The following SUFU variants were observed in gnomAD, a reference collection of about 807,000 sequenced individuals.
The protein encoded by SUFU is SUFU negative regulator of hedgehog signaling.
SUFU carries 7 observed loss-of-function variants against 58.9 expected under a neutral mutation model. That is an observed-to-expected ratio of 0.12 (90% CI 0.07 to 0.22). The LOEUF is 0.22. SUFU is among the 10% of genes least tolerant of loss of function. The pLI is 1.00. For synonymous variants in SUFU, 232 were observed against 254.8 expected (o/e 0.91, Z 0.85); for missense variants, 451 against 641.3 (o/e 0.70, Z 3.20).
intron 2 of SUFU, among the ~76,000 whole-genome samples, chr10:102,549,318 G>A (rs1590018294): frequency 6.6e-6 from 1 of 152,250 alleles, no homozygotes; most frequent in African/African-American, 2.4e-5. Flanking sequence ...GGTGGAAGGA[G>A]AAGAGGGTGG....
rs1291941856 is a variant in SUFU, at chr10:102,504,176, C to T, written c.24C>T (p.Gly8=). The T allele has an allele frequency of 3.9e-6, 6 of 1,546,018 alleles. No individual in the cohort carries two copies. Among genetic ancestry groups the T allele is most frequent in the African/African-American group, 1.4e-5 (1 of 73,118 alleles). Residue 8 remains glycine (G), a synonymous_variant, in exon 1 of 12, where the codon GGC becomes GGT. Coordinates refer to ENST00000369902, the MANE Select transcript of SUFU (RefSeq NM_016169.4). ...CGATGGCGGAGCTGCGGCCTAGCGG[C>T]GCCCCCGGCCCCACCGCGCCCCCGG... MAELRPS[G]APGPTAPPAP...
chr10:102,509,616 T>C (rs2062375202), intron 2 of SUFU, among the ~76,000 whole-genome samples: 1 of 152,192 alleles, frequency 6.6e-6, no homozygotes, highest in Non-Finnish European at 1.5e-5. Context: ...CTGTGTCTAC[T>C]TCCTTTTATT....
At chr10:102,592,123 A>T (rs1173982630) in intron 3 of SUFU, among the ~76,000 whole-genome samples, 1 of 152,206 alleles carries the variant, frequency 6.6e-6, no homozygotes, top group Non-Finnish European at 1.5e-5. Context: ...TCTGAGTGCC[A>T]TTTCAGCAAC....
intron 2 of SUFU, among the ~76,000 whole-genome samples, chr10:102,544,144 G>A (rs889927471): frequency 9.9e-5 from 15 of 152,050 alleles, no homozygotes; most frequent in African/African-American, 3.1e-4. Flanking sequence ...TCAAGTTCTA[G>A]CTCTATCACT....
At chr10:102,578,933 C>T (rs1017866412) in intron 3 of SUFU, among the ~76,000 whole-genome samples, 1 of 151,738 alleles carries the variant, frequency 6.6e-6, no homozygotes, top group African/African-American at 2.4e-5. Context: ...AGGTGGCAGG[C>T]CCTCGTGCTG....
At chr10:102,516,460 C>A (rs2062471821) in intron 2 of SUFU, among the ~76,000 whole-genome samples, 1 of 152,172 alleles carries the variant, frequency 6.6e-6, no homozygotes, top group Admixed American at 6.5e-5. Flanking sequence ...TGGATTGTTT[C>A]TTCCTTCATG....
At chr10:102,627,132 A>G in intron 10 of SUFU, 43 bp from the exon 11 acceptor site, 1 of 1,605,330 alleles carries the variant, frequency 6.2e-7, no homozygotes, top group East Asian at 2.2e-5. Context: ...AAAAGATCAT[A>G]CATTTAAAAA....
intron 2 of SUFU, among the ~76,000 whole-genome samples, chr10:102,542,281 C>T (rs532761160): frequency 6.5e-4 from 98 of 150,740 alleles, no homozygotes; most frequent in African/African-American, 2.0e-3. Flanking sequence ...TACAGGTGCA[C>T]GCCACCACTC....
intron 3 of SUFU, 23 bp from the exon 4 acceptor site, chr10:102,592,559 G>C: frequency 1.2e-6 from 2 of 1,613,696 alleles, no homozygotes; most frequent in Non-Finnish European, 1.7e-6. Flanking sequence ...TGAACAATGA[G>C]GATCCTTGTA....
intron 2 of SUFU, among the ~76,000 whole-genome samples, chr10:102,524,329 CTT>C: frequency 8.7e-6 from 1 of 115,266 alleles, no homozygotes; most frequent in African/African-American, 3.5e-5. Flanking sequence ...CTTTTCTTTT[CTT>C]TTTTTTTTTT....
rs1590096987 is a variant in SUFU at position 102,632,159 on chromosome 10, G to A, written c.*2004G>A. 5 of 233,326 alleles carry A rather than the reference G, an allele frequency of 2.1e-5. No homozygotes were observed. The East Asian group carries it at 3.0e-4, about 14-fold the overall frequency. 14.5% of individuals were successfully genotyped at this position (233,326 alleles called of 1,614,324 possible). On this transcript the variant is annotated 3_prime_UTR_variant, in exon 12 of 12. Transcript: ENST00000369902. ...CATCTGCTGGGTGCCTCCATCGTTGGTTGGGTGGGGATGGGGCATTTTCTG... is the reference window on the plus strand; with the variant it reads ...CATCTGCTGGGTGCCTCCATCGTTGATTGGGTGGGGATGGGGCATTTTCTG...
chr10:102,544,072 C>T (rs769374873), intron 2 of SUFU, among the ~76,000 whole-genome samples: 2 of 152,130 alleles, frequency 1.3e-5, no homozygotes, highest in Non-Finnish European at 2.9e-5. Flanking sequence ...ATACTCCAGC[C>T]TGGGCAGCAG....
chr10:102,530,879 A>G (rs1373431662), intron 2 of SUFU, among the ~76,000 whole-genome samples: 1 of 152,120 alleles, frequency 6.6e-6, no homozygotes, highest in Admixed American at 6.6e-5. Context: ...AGCAGTGGTC[A>G]AATAGAGGAC....
chr10:102,571,748 A>T (rs557810995), intron 3 of SUFU, among the ~76,000 whole-genome samples: 1 of 152,344 alleles, frequency 6.6e-6, no homozygotes, highest in Admixed American at 6.5e-5. Context: ...GTGTGTCTCA[A>T]GTTTGGACAC....
intron 2 of SUFU, among the ~76,000 whole-genome samples, chr10:102,530,408 G>A (rs2062663940): frequency 1.3e-5 from 2 of 150,202 alleles, no homozygotes; most frequent in Non-Finnish European, 3.0e-5. Flanking sequence ...CCTTGGGCTG[G>A]CATTTAGTTT....
Position 102,580,185 on chromosome 10 carries a change from T to C in SUFU, c.455-12397T>C, listed in dbSNP as rs115011539. 1.2e-3 allele frequency among the ~76,000 whole-genome samples: 177 copies of C among 152,330 alleles called. 1 individual carries two copies. Among genetic ancestry groups the C allele is most frequent in the African/African-American group, 4.0e-3 (167 of 41,574 alleles). On this transcript the variant is annotated intron_variant, in intron 3 of 11. Coordinates refer to ENST00000369902, the MANE Select transcript of SUFU (RefSeq NM_016169.4). ...GGGATTATCCTTCCTTTGGAGCATC[T>C]GTCTGCTGTGCACTGTGTTGGGAGA...
At chr10:102,511,141 A>G (rs199955826) in intron 2 of SUFU, among the ~76,000 whole-genome samples, 145 of 63,384 alleles carry the variant, frequency 2.3e-3, no homozygotes, top group African/African-American at 3.7e-3. Flanking sequence ...AAAAAAAGTA[A>G]TAATAATAAT....
rs925304938 is a variant in SUFU at position 102,630,470 on chromosome 10, G to A, written c.*315G>A. Reference sequence around the variant, plus strand: ...AGGTTTGACTCTGGACCCTGGCTGTGCCCCTAGGTGGAGACAGCCCTCTTT... The same window carrying A: ...AGGTTTGACTCTGGACCCTGGCTGTACCCCTAGGTGGAGACAGCCCTCTTT... On this transcript the variant is annotated 3_prime_UTR_variant, in exon 12 of 12. Coordinates refer to ENST00000369902, the MANE Select transcript of SUFU (RefSeq NM_016169.4). The A allele has an allele frequency of 1.3e-5, 6 of 469,852 alleles. No homozygotes were observed. The highest frequency in any genetic ancestry group is 2.0e-5 in the Non-Finnish European group (5 of 253,044). 29.1% of individuals were successfully genotyped at this position (469,852 alleles called of 1,614,324 possible).
chr10:102,518,519 GTCTATCTATCTA>G (rs376596356), intron 2 of SUFU, among the ~76,000 whole-genome samples: 10 of 147,114 alleles, frequency 6.8e-5, no homozygotes, highest in African/African-American at 2.5e-4. Flanking sequence ...CTGTCTGTCT[GTCTATCTATCTA>G]TCTATCTATC....
Sources: gnomAD v4.1 joint callset for allele counts (sites outside exome capture counted in the v4.1 genomes callset) on GRCh38, gnomAD v4.1.1 for gene constraint, MANE v1.5 for transcripts, NCBI Gene and HGNC (gene_info 2026-07-23, HGNC 2026-07-21) for gene names.